The following ST14 variants were observed in gnomAD, a reference collection of about 807,000 sequenced individuals.
ST14 encodes the protein suppressor of tumorigenicity 14 protein.
ST14 carries 40 observed loss-of-function variants against 96.5 expected under a neutral mutation model. The ratio of observed to expected loss-of-function variants is 0.41; its 90% CI spans 0.32 to 0.54. The LOEUF (loss-of-function observed/expected upper bound fraction) is 0.54, where lower values mean the gene tolerates loss of function less well. ST14 is among the 20% of genes least tolerant of loss of function. ST14 has a pLI of 0.17. For synonymous variants in ST14, 506 were observed against 492.1 expected (o/e 1.03, Z -0.37); for missense variants, 1,066 against 1,188.9 (o/e 0.90, Z 1.52).
intron 7 of ST14, among the ~76,000 whole-genome samples, chr11:130,192,117 C>A (rs1286676688): frequency 6.6e-6 from 1 of 152,212 alleles, no homozygotes; most frequent in Non-Finnish European, 1.5e-5. Flanking sequence ...GTGGGTGAGC[C>A]GCCTCTCCTG....
intron 1 of ST14, among the ~76,000 whole-genome samples, chr11:130,164,886 C>T (rs924456988): frequency 6.6e-6 from 1 of 151,878 alleles, no homozygotes; most frequent in Non-Finnish European, 1.5e-5. Context: ...TACAGGCATG[C>T]ACCACCATGC....
chr11:130,188,999 G>A lies in ST14; in HGVS notation c.440+60G>A, dbSNP rs1360874545. 7 of 1,542,344 alleles carry A rather than the reference G, an allele frequency of 4.5e-6. No individual in the cohort carries two copies. Among genetic ancestry groups the A allele is most frequent in the Non-Finnish European group, 4.4e-6 (5 of 1,131,436 alleles). On this transcript the variant is annotated intron_variant, in intron 4 of 18. Transcript: ENST00000278742. This position sits in a 1 kb window ranked among gnomAD's most constrained non-coding sequence, Gnocchi z 5.4. ...CCAGACTGGCTGGGAGTAGGATCGG[G>A]GTACAGTGTGTGGGGCAGGAAGCGG...
chr11:130,194,248 C>T lies in ST14; in HGVS notation c.975C>T (p.Pro325=), dbSNP rs367648163. 119 of 1,614,230 alleles carry T rather than the reference C, an allele frequency of 7.4e-5. No individual in the cohort carries two copies. The highest frequency in any genetic ancestry group is 9.4e-5 in the Non-Finnish European group (111 of 1,180,048). The part of the protein sequence containing the change: ...TLITNTERRH[P]GFEATFFQLP... The stretch of plus-strand genomic sequence containing the variant: ...TAACCAACACTGAGCGGCGGCATCC[C>T]GGCTTTGAGGCCACCTTCTTCCAGC... The change falls in exon 8 of 19, where the codon CCC becomes CCT. Residue 325 remains proline (P), a synonymous_variant. Transcript: ENST00000278742.
intron 16 of ST14, among the ~76,000 whole-genome samples, chr11:130,201,895 G>A (rs2136218854): frequency 6.6e-6 from 1 of 152,342 alleles, no homozygotes; most frequent in African/African-American, 2.4e-5. Flanking sequence ...TTCTCTTTGA[G>A]GTTGGCTTTT....
chr11:130,161,512 G>A (rs1488845867), intron 1 of ST14, among the ~76,000 whole-genome samples: 1 of 152,122 alleles, frequency 6.6e-6, no homozygotes, highest in Non-Finnish European at 1.5e-5. Flanking sequence ...CTTCCTGGTC[G>A]TGTGGTCCAG....
chr11:130,194,406 C>T lies in ST14; in HGVS notation c.1015+118C>T. On this transcript the variant is annotated intron_variant, in intron 8 of 18. Transcript: ENST00000278742. ...CTAGACCCTGTGGTTGGCGAGCTGG[C>T]CTAGGTCAGCAGCAGAGGCTGAAGC... The T allele has an allele frequency of 2.1e-6, 3 of 1,448,492 alleles. No homozygotes were observed. The South Asian group carries it at 3.6e-5, about 17-fold the overall frequency. 89.7% of individuals were successfully genotyped at this position (1,448,492 alleles called of 1,614,324 possible). A position where few individuals can be genotyped will look rare whatever the true frequency, so the allele number is the denominator to read the frequency against.
intron 1 of ST14, among the ~76,000 whole-genome samples, chr11:130,179,117 G>A (rs1444659453): frequency 1.3e-5 from 2 of 152,168 alleles, no homozygotes; most frequent in East Asian, 1.9e-4. Flanking sequence ...TGGAAATGGT[G>A]GGTGGAGTTT....
At chr11:130,196,891 A>C (rs1953371753) in intron 11 of ST14, 191 bp downstream of exon 11, 3 of 796,866 alleles carry the variant, frequency 3.8e-6, no homozygotes, top group Non-Finnish European at 6.1e-6. Context: ...GCTGGCTGTG[A>C]GCGCTGGCAC....
chr11:130,161,909 G>A (rs908324522), intron 1 of ST14, among the ~76,000 whole-genome samples: 3 of 152,216 alleles, frequency 2.0e-5, no homozygotes, highest in Admixed American at 2.0e-4. Flanking sequence ...TAGCTGTGAG[G>A]CGGAGTGTCC....
chr11:130,170,684 C>G (rs1298390943), intron 1 of ST14, among the ~76,000 whole-genome samples: 2 of 151,928 alleles, frequency 1.3e-5, no homozygotes, highest in African/African-American at 4.8e-5. Flanking sequence ...TGGTTCCTAA[C>G]AGGCTTGGGG....
chr11:130,176,788 C>CTTTTTTTTTT (rs56764956), intron 1 of ST14, among the ~76,000 whole-genome samples: 1 of 59,256 alleles, frequency 1.7e-5, no homozygotes, highest in Non-Finnish European at 3.4e-5. Context: ...TAGGGCTTAA[C>CTTTTTTTTTT]TTTTTTTTTT....
intron 1 of ST14, among the ~76,000 whole-genome samples, chr11:130,178,300 C>G (rs890354101): frequency 2.8e-5 from 3 of 106,020 alleles, no homozygotes; most frequent in South Asian, 2.3e-4. Flanking sequence ...GTTGGCAGAG[C>G]CTTCGTTGGC....
At chr11:130,166,875 C>T (rs1299100316) in intron 1 of ST14, among the ~76,000 whole-genome samples, 1 of 152,168 alleles carries the variant, frequency 6.6e-6, no homozygotes, top group Non-Finnish European at 1.5e-5. Flanking sequence ...CTAATATATA[C>T]ATATTTAAAG....
chr11:130,192,909 T>C (rs1953318807), intron 7 of ST14, among the ~76,000 whole-genome samples: 1 of 152,172 alleles, frequency 6.6e-6, no homozygotes, highest in South Asian at 2.1e-4. Flanking sequence ...CAGTGTGGAC[T>C]CTGGAGCTTG....
At chr11:130,162,713 C>T (rs927035551) in intron 1 of ST14, among the ~76,000 whole-genome samples, 1 of 152,214 alleles carries the variant, frequency 6.6e-6, no homozygotes, top group African/African-American at 2.4e-5. Context: ...CAGCCCCTGT[C>T]CTTGGGACCA....
At position 130,208,428 on chromosome 11, in the gene ST14, G is replaced by A. The variant is rs1364208151; in HGVS notation, c.2013G>A (p.Gln671=). Residue 671 remains glutamine (Q), a synonymous_variant, in exon 17 of 19, where the codon CAG becomes CAA. Coordinates refer to ENST00000278742, the MANE Select transcript of ST14 (RefSeq NM_021978.4). Reference sequence around the variant, plus strand: ...CTACCAGGTACTCAGACCCCACGCAGTGGACGGCCTTCCTGGGCTTGCACG... The same window carrying A: ...CTACCAGGTACTCAGACCCCACGCAATGGACGGCCTTCCTGGGCTTGCACG... The part of the protein sequence containing the change: ...DRGFRYSDPT[Q]WTAFLGLHDQ... The A allele has an allele frequency of 6.2e-7, 1 of 1,614,002 alleles. No individual in the cohort carries two copies. Among genetic ancestry groups the A allele is most frequent in the Non-Finnish European group, 8.5e-7 (1 of 1,180,052 alleles).
chr11:130,177,550 C>T (rs747339066), intron 1 of ST14, among the ~76,000 whole-genome samples: 8 of 152,018 alleles, frequency 5.3e-5, no homozygotes, highest in Non-Finnish European at 8.8e-5. Context: ...GCGACAAGAG[C>T]GAAACTCCGT....
At chr11:130,198,772 A>G in intron 14 of ST14, 151 bp downstream of exon 14, 2 of 1,450,906 alleles carry the variant, frequency 1.4e-6, no homozygotes, top group South Asian at 2.4e-5. Flanking sequence ...TTGGGGGAGA[A>G]TTTTCCAGAA....
intron 16 of ST14, among the ~76,000 whole-genome samples, chr11:130,202,580 T>C (rs1272911804): frequency 1.3e-5 from 2 of 152,186 alleles, no homozygotes; most frequent in Non-Finnish European, 2.9e-5. Context: ...GGCTCAGACC[T>C]TCCAGACAAA....
Sources: allele counts gnomAD v4.1 joint callset (sites outside exome capture counted in the v4.1 genomes callset), GRCh38; gene constraint gnomAD v4.1.1; non-coding constraint Gnocchi (gnomAD v3.1); transcripts MANE v1.5; gene names NCBI Gene and HGNC (gene_info 2026-07-23, HGNC 2026-07-21).